ANK3: variants seen among roughly 807,000 people sequenced by gnomAD.
The protein encoded by ANK3 is ankyrin-3.
In ANK3, 57 loss-of-function variants were observed where a neutral mutation model predicts 370.9. That is an observed-to-expected ratio of 0.15 (90% CI 0.12 to 0.19). The LOEUF (loss-of-function observed/expected upper bound fraction) is 0.19, where lower values mean the gene tolerates loss of function less well. Ranked by LOEUF, ANK3 falls within the 10% of genes least tolerant of loss-of-function variation. ANK3 has a pLI of 1.00. For missense variants in ANK3, 4,439 were observed against 5,302.1 expected, an observed-to-expected ratio of 0.84 and a Z score of 5.06; for synonymous variants, 1,929 against 1,946.3, an observed-to-expected ratio of 0.99 and a Z score of 0.23.
intron 1 of ANK3, among the ~76,000 whole-genome samples, chr10:60,716,212 G>C (rs554519645): frequency 2.0e-5 from 3 of 151,832 alleles, no homozygotes; most frequent in Non-Finnish European, 4.4e-5. Context: ...TTCTAGTATA[G>C]AATTAACTTT....
intron 28 of ANK3, among the ~76,000 whole-genome samples, chr10:60,089,271 C>T (rs2087544743): frequency 6.6e-6 from 1 of 152,204 alleles, no homozygotes; most frequent in Non-Finnish European, 1.5e-5. Context: ...TTACAATCTG[C>T]TCATTCCTTC....
At position 60,072,145 on chromosome 10, in the gene ANK3, A is replaced by C; in HGVS notation, c.8736T>G (p.Ser2912=). The part of the protein sequence containing the change: ...ERERKLLTNG[S]LSEIKEMTVK... Reference sequence around the variant, plus strand: ...CAGTCATTTCTTTAATTTCTGAGAGAGAGCCGTTTGTTAACAATTTGCGTT... The same window carrying C: ...CAGTCATTTCTTTAATTTCTGAGAGCGAGCCGTTTGTTAACAATTTGCGTT... The change falls in exon 37 of 44, where the codon TCT becomes TCG. Residue 2912 remains serine (S), a synonymous_variant. Coordinates refer to ENST00000280772, the MANE Select transcript of ANK3 (RefSeq NM_020987.5). The C allele has an allele frequency of 6.2e-7, 1 of 1,613,930 alleles. No homozygotes were observed. The highest frequency in any genetic ancestry group is 1.1e-5 in the South Asian group (1 of 91,068).
chr10:60,273,469 A>G lies in ANK3; in HGVS notation c.415-3240T>C, dbSNP rs544653182. Among the ~76,000 whole-genome samples the G allele has an allele frequency of 1.0e-4, 15 of 150,634 alleles. 1 individual carries two copies. In the South Asian group the frequency reaches 3.1e-3, roughly 31 times the overall value. On this transcript the variant is annotated intron_variant, in intron 4 of 43. Transcript: ENST00000280772. ...TTCTAGAATATTTTCATCACCCCAA[A>G]AAGAAGCCCTCTATACTCCTTAGTG... is the stretch of plus-strand genomic sequence containing the variant.
intron 1 of ANK3, among the ~76,000 whole-genome samples, chr10:60,290,300 C>G (rs2041043427): frequency 6.6e-6 from 1 of 152,016 alleles, no homozygotes; most frequent in South Asian, 2.1e-4. Flanking sequence ...GTGTGGAGAT[C>G]TTAAATAAAG....
rs1337491705 is a variant in ANK3, at chr10:60,119,164, G to A, written c.2842-4833C>T. 2.0e-5 allele frequency among the ~76,000 whole-genome samples: 3 copies of A among 152,122 alleles called. No homozygotes were observed. The East Asian group carries it at 5.8e-4, about 29-fold the overall frequency. ...GGTTTCCTCAGGTTTATGAGCAGAC[G>A]TAACTCAATTTTAATAACCTAAATA... On this transcript the variant is annotated intron_variant, in intron 25 of 43. Transcript: ENST00000280772.
intron 1 of ANK3, among the ~76,000 whole-genome samples, chr10:60,723,342 G>C (rs975211199): frequency 1.3e-5 from 2 of 152,130 alleles, no homozygotes; most frequent in African/African-American, 4.8e-5. Context: ...CCAAAACATA[G>C]CATTGAAATT....
chr10:60,660,033 A>G lies in ANK3; in HGVS notation c.58-44809T>C, dbSNP rs116754024. Among the ~76,000 whole-genome samples the G allele has an allele frequency of 2.8e-3, 431 of 152,270 alleles. 1 individual carries two copies. Among genetic ancestry groups the G allele is most frequent in the African/African-American group, 0.01 (419 of 41,566 alleles). On this transcript the variant is annotated intron_variant, in intron 1 of 43. Coordinates refer to the ANK3 transcript ENST00000373827. Reference sequence around the variant, plus strand: ...ATCTAGACAGAAAAGCAGGTAGGTAAGTAGGCAGGTAGGTATATATGAAGG... The same window carrying G: ...ATCTAGACAGAAAAGCAGGTAGGTAGGTAGGCAGGTAGGTATATATGAAGG...
intron 2 of ANK3, among the ~76,000 whole-genome samples, chr10:60,469,643 A>ATGGTGG (rs1567068256): frequency 4.6e-5 from 1 of 21,944 alleles, no homozygotes; most frequent in African/African-American, 1.5e-4. Context: ...ATATATATAT[A>ATGGTGG]TATATATATA....
Position 60,442,667 on chromosome 10 carries a change from G to GA in ANK3, c.97-163029dup, listed in dbSNP as rs563878272. Among the ~76,000 whole-genome samples the GA allele has an allele frequency of 9.0e-3, 1,360 of 150,770 alleles. 11 individuals are homozygous for GA. The highest frequency in any genetic ancestry group is 0.013 in the Non-Finnish European group (906 of 67,266). On this transcript the variant is annotated intron_variant, in intron 2 of 43. Coordinates refer to the ANK3 transcript ENST00000373827. The stretch of plus-strand genomic sequence containing the variant: ...TATTGTATTAGGTATTACATTAAAA[G>GA]AAAAAACTGAAAACTCTTTCATGAT...
intron 2 of ANK3, among the ~76,000 whole-genome samples, chr10:60,426,535 T>A (rs2063891946): frequency 6.6e-6 from 1 of 152,122 alleles, no homozygotes; most frequent in Admixed American, 6.6e-5. Context: ...CAATGAGTCA[T>A]TTGGCAAATC....
chr10:60,389,760 A>C lies in ANK3; in HGVS notation c.-222T>G. The C allele has an allele frequency of 7.2e-7, 1 of 1,394,128 alleles. No individual in the cohort carries two copies. Among genetic ancestry groups the C allele is most frequent in the South Asian group, 1.6e-5 (1 of 63,076 alleles). The allele number at this position is 1,394,128 out of a possible 1,614,324, so 86.4% of individuals were successfully genotyped here. A position where few individuals can be genotyped will look rare whatever the true frequency, so the allele number is the denominator to read the frequency against. Reference sequence around the variant, plus strand: ...TTCATCCTACACCTTCCTCTACCTGAACCTTTACAGGAGAGTGCAGCCATC... The same window carrying C: ...TTCATCCTACACCTTCCTCTACCTGCACCTTTACAGGAGAGTGCAGCCATC... On this transcript the variant is annotated 5_prime_UTR_variant, in exon 1 of 44. Transcript: ENST00000280772.
Position 60,378,198 on chromosome 10 carries a change from T to C in ANK3, c.114+11227A>G, listed in dbSNP as rs554525646. ...AAGGTGACTCATTTCTAACATTTTG[T>C]CTGTATCATCAGCTGAAGTAGTTTT... On this transcript the variant is annotated intron_variant, in intron 1 of 43. Coordinates refer to ENST00000280772, the MANE Select transcript of ANK3 (RefSeq NM_020987.5). 2.0e-5 allele frequency among the ~76,000 whole-genome samples: 3 copies of C among 152,268 alleles called. No individual in the cohort carries two copies. The South Asian group carries it at 6.2e-4, about 32-fold the overall frequency.
intron 2 of ANK3, among the ~76,000 whole-genome samples, chr10:60,437,741 G>A (rs2064194207): frequency 6.6e-6 from 1 of 152,144 alleles, no homozygotes; most frequent in South Asian, 2.1e-4. Context: ...TCCTGACCTA[G>A]AGCAAAGCAC....
intron 43 of ANK3, among the ~76,000 whole-genome samples, chr10:60,038,345 C>T (rs575647687): frequency 9.9e-5 from 15 of 152,190 alleles, no homozygotes; most frequent in South Asian, 8.3e-4. Context: ...TGCAATGAGC[C>T]GATATTGTGC....
At chr10:60,060,303 T>G in intron 40 of ANK3, 1 of 190,706 alleles carries the variant, frequency 5.2e-6, no homozygotes, top group East Asian at 1.2e-4. Flanking sequence ...TATATAAAGT[T>G]TATATATTTA....
chr10:60,158,611 C>T (rs2095414021), intron 23 of ANK3, among the ~76,000 whole-genome samples: 1 of 149,796 alleles, frequency 6.7e-6, no homozygotes, highest in Non-Finnish European at 1.5e-5. Context: ...ATGGTAAGCA[C>T]AAAAACCTAT....
upstream of ANK3, among the ~76,000 whole-genome samples, chr10:60,392,423 T>C (rs1015506671): frequency 6.6e-6 from 1 of 152,192 alleles, no homozygotes; most frequent in African/African-American, 2.4e-5. Flanking sequence ...AGCTCATGTG[T>C]CTGAGAAGTG....
chr10:60,240,958 T>C (rs2097446828), intron 7 of ANK3, among the ~76,000 whole-genome samples: 1 of 152,218 alleles, frequency 6.6e-6, no homozygotes, highest in Admixed American at 6.5e-5. Context: ...TGCTTCTTCA[T>C]GCTTTTCTAA....
intron 18 of ANK3, among the ~76,000 whole-genome samples, chr10:60,180,350 C>A (rs1384196182): frequency 2.0e-5 from 3 of 151,284 alleles, no homozygotes; most frequent in Admixed American, 2.0e-4. Context: ...GTAATCCCAG[C>A]ACTTTGGGAG....
Sources: gnomAD v4.1 joint callset for allele counts (sites outside exome capture counted in the v4.1 genomes callset) on GRCh38, gnomAD v4.1.1 for gene constraint, MANE v1.5 for transcripts, NCBI Gene and HGNC (gene_info 2026-07-23, HGNC 2026-07-21) for gene names.